The following UBE2R2 variants were observed in gnomAD, a reference collection of about 807,000 sequenced individuals.
UBE2R2 encodes ubiquitin-conjugating enzyme E2 R2.
A neutral mutation model predicts 27.8 loss-of-function variants in UBE2R2; 1 was observed. That is an observed-to-expected ratio of 0.04 (90% CI 0.01 to 0.17). The LOEUF (loss-of-function observed/expected upper bound fraction) is 0.17. UBE2R2 is among the 10% of genes least tolerant of loss of function. The pLI is 1.00. For synonymous variants in UBE2R2, 106 were observed against 113.3 expected, an observed-to-expected ratio of 0.94 and a Z score of 0.41; for missense variants, 100 against 291.0, an observed-to-expected ratio of 0.34 and a Z score of 4.78.
intron 1 of UBE2R2, among the ~76,000 whole-genome samples, chr9:33,824,802 CAAAA>C (rs1172352568): frequency 1.3e-5 from 1 of 77,022 alleles, no homozygotes; most frequent in Admixed American, 1.6e-4. Context: ...AGCTCTGTCT[CAAAA>C]AAAAAAAAAA....
At chr9:33,849,962 T>G (rs187930785) in intron 1 of UBE2R2, among the ~76,000 whole-genome samples, 61 of 152,164 alleles carry the variant, frequency 4.0e-4, no homozygotes, top group Non-Finnish European at 7.6e-4. Context: ...TTTCAGTGAT[T>G]AGTTTACATT....
At chr9:33,903,024 G>A (rs1390630067) in intron 3 of UBE2R2, among the ~76,000 whole-genome samples, 1 of 152,062 alleles carries the variant, frequency 6.6e-6, no homozygotes, top group African/African-American at 2.4e-5. Flanking sequence ...GCTTGAACCT[G>A]GGAGGCGGAG....
At chr9:33,886,021 C>T (rs912882310) in intron 1 of UBE2R2, among the ~76,000 whole-genome samples, 11 of 151,974 alleles carry the variant, frequency 7.2e-5, no homozygotes, top group Admixed American at 6.6e-4. Flanking sequence ...GTCAGTCATC[C>T]ATGTAAAGAG....
intron 1 of UBE2R2, among the ~76,000 whole-genome samples, chr9:33,879,330 G>GCTTCTT (rs1388360500): frequency 1.3e-5 from 2 of 152,160 alleles, no homozygotes; most frequent in Non-Finnish European, 2.9e-5. Flanking sequence ...GATAGTCCTG[G>GCTTCTT]CTTCTTGAGT....
chr9:33,832,706 G>A (rs1484759034), intron 1 of UBE2R2, among the ~76,000 whole-genome samples: 2 of 151,324 alleles, frequency 1.3e-5, no homozygotes, highest in Non-Finnish European at 1.5e-5. Flanking sequence ...ATACTCTTTG[G>A]TTGAACTTTA....
upstream of UBE2R2, among the ~76,000 whole-genome samples, chr9:33,815,853 C>T (rs1383501854): frequency 1.3e-5 from 2 of 152,182 alleles, no homozygotes; most frequent in Non-Finnish European, 2.9e-5. Context: ...ACGCTAAATG[C>T]TGTACATACA....
chr9:33,873,207 T>C (rs1821526768), intron 1 of UBE2R2, among the ~76,000 whole-genome samples: 1 of 143,966 alleles, frequency 6.9e-6, no homozygotes, highest in Non-Finnish European at 1.5e-5. Context: ...AGATCTAATA[T>C]CATAGATACT....
intron 1 of UBE2R2, among the ~76,000 whole-genome samples, chr9:33,877,699 T>C (rs1206422212): frequency 2.0e-5 from 3 of 152,160 alleles, no homozygotes; most frequent in Non-Finnish European, 4.4e-5. Context: ...AGTTGTCTTA[T>C]CTAAAGCTGG....
intron 1 of UBE2R2, among the ~76,000 whole-genome samples, chr9:33,877,846 T>TCTCC (rs1291212408): frequency 3.3e-5 from 5 of 151,556 alleles, no homozygotes; most frequent in African/African-American, 7.3e-5. Flanking sequence ...TCTCTCTCTC[T>TCTCC]CTCCCACTCT....
chr9:33,829,199 G>T (rs1820385947), intron 1 of UBE2R2, among the ~76,000 whole-genome samples: 2 of 152,058 alleles, frequency 1.3e-5, no homozygotes, highest in African/African-American at 4.8e-5. Flanking sequence ...GAAAAAAATG[G>T]ATCTTTAAAA....
intron 2 of UBE2R2, among the ~76,000 whole-genome samples, chr9:33,893,636 T>G (rs1488463847): frequency 6.6e-6 from 1 of 152,126 alleles, no homozygotes; most frequent in East Asian, 1.9e-4. Flanking sequence ...TTTTATTTAT[T>G]TATTTATTTA....
chr9:33,879,809 T>C (rs1272043936), intron 1 of UBE2R2, among the ~76,000 whole-genome samples: 4 of 149,218 alleles, frequency 2.7e-5, no homozygotes, highest in African/African-American at 9.9e-5. Context: ...TCTGCTTTTA[T>C]GTCAGTTCTC....
At chr9:33,904,769 C>T (rs1452897844) in intron 3 of UBE2R2, among the ~76,000 whole-genome samples, 2 of 152,188 alleles carry the variant, frequency 1.3e-5, no homozygotes, top group East Asian at 3.8e-4. Flanking sequence ...AAGAAAACAT[C>T]CACAGGCCTC....
chr9:33,887,976 A>T (rs764942827), intron 2 of UBE2R2, among the ~76,000 whole-genome samples: 15 of 152,158 alleles, frequency 9.9e-5, no homozygotes, highest in Admixed American at 3.3e-4. Context: ...CGCCTGGCCT[A>T]CTATTCTAAA....
upstream of UBE2R2, among the ~76,000 whole-genome samples, chr9:33,816,260 G>C (rs1392481810): frequency 6.6e-6 from 1 of 152,128 alleles, no homozygotes; most frequent in African/African-American, 2.4e-5. Context: ...AAGGAGTACT[G>C]TATTCTGAAC....
chr9:33,849,687 A>G (rs1383853847), intron 1 of UBE2R2, among the ~76,000 whole-genome samples: 2 of 91,984 alleles, frequency 2.2e-5, no homozygotes, highest in Non-Finnish European at 5.3e-5. Flanking sequence ...CCTCATCTCT[A>G]CTTAAAAAAA....
intron 4 of UBE2R2, among the ~76,000 whole-genome samples, chr9:33,913,191 C>T (rs1358745693): frequency 6.6e-6 from 1 of 152,152 alleles, no homozygotes; most frequent in Non-Finnish European, 1.5e-5. Context: ...GAACTCCTGA[C>T]CTCATGATCC....
At chr9:33,911,297 A>G (rs1362352062) in intron 3 of UBE2R2, among the ~76,000 whole-genome samples, 1 of 147,152 alleles carries the variant, frequency 6.8e-6, no homozygotes, top group Non-Finnish European at 1.5e-5. Context: ...AATCCCAGCT[A>G]CTCGGGAGGC....
chr9:33,914,035 T>C (rs941034994), intron 4 of UBE2R2, among the ~76,000 whole-genome samples: 1 of 152,210 alleles, frequency 6.6e-6, no homozygotes, highest in African/African-American at 2.4e-5. Flanking sequence ...TATTTCTTAA[T>C]TTGTTTAAGG....
Sources: gnomAD v4.1 joint callset for allele counts (sites outside exome capture counted in the v4.1 genomes callset) on GRCh38, gnomAD v4.1.1 for gene constraint, MANE v1.5 for transcripts, NCBI Gene and HGNC (gene_info 2026-07-23, HGNC 2026-07-21) for gene names.